IL1RAP: variants seen among roughly 807,000 people sequenced by gnomAD.
IL1RAP encodes interleukin 1 receptor accessory protein.
Under a neutral mutation model 60.7 loss-of-function variants are expected in IL1RAP, and 35 were observed. That is an observed-to-expected ratio of 0.58 (90% confidence interval 0.44 to 0.76). The LOEUF is 0.76. Among genes scored for constraint, IL1RAP ranks in the 30% least tolerant of loss-of-function variants. The pLI is 0.00. For synonymous variants in IL1RAP, 268 were observed against 250.9 expected, an observed-to-expected ratio of 1.07 and a Z score of -0.64; for missense variants, 572 against 693.9, an observed-to-expected ratio of 0.82 and a Z score of 1.97.
intron 3 of IL1RAP, among the ~76,000 whole-genome samples, chr3:190,574,301 T>C (rs1727253418): frequency 6.6e-6 from 1 of 152,158 alleles, no homozygotes; most frequent in Non-Finnish European, 1.5e-5. Context: ...ATTTAGATAA[T>C]ATACATCTTT....
At chr3:190,551,298 CA>C (rs1478460186) in intron 1 of IL1RAP, among the ~76,000 whole-genome samples, 2 of 152,176 alleles carry the variant, frequency 1.3e-5, no homozygotes, top group Non-Finnish European at 2.9e-5. Context: ...CTTGGTAAAA[CA>C]AACAGTTTCT....
intron 1 of IL1RAP, among the ~76,000 whole-genome samples, chr3:190,532,478 G>A (rs916023225): frequency 6.6e-6 from 1 of 152,058 alleles, no homozygotes; most frequent in Non-Finnish European, 1.5e-5. Flanking sequence ...TAGCCAGGAT[G>A]TTCTCGATCT....
At chr3:190,585,792 A>T (rs1327740171) in intron 3 of IL1RAP, among the ~76,000 whole-genome samples, 1 of 152,094 alleles carries the variant, frequency 6.6e-6, no homozygotes, top group East Asian at 1.9e-4. Flanking sequence ...AGCCTGGGTG[A>T]CAGAGTGAGA....
intron 3 of IL1RAP, among the ~76,000 whole-genome samples, chr3:190,591,746 T>C (rs1728957467): frequency 6.6e-6 from 1 of 152,182 alleles, no homozygotes; most frequent in Non-Finnish European, 1.5e-5. Flanking sequence ...TTGATTATTA[T>C]ATTAAAATAA....
intron 1 of IL1RAP, among the ~76,000 whole-genome samples, chr3:190,554,181 T>A (rs1725186656): frequency 6.6e-6 from 1 of 151,636 alleles, no homozygotes; most frequent in South Asian, 2.1e-4. Context: ...TAGGACTTTC[T>A]CCTTAGGATT....
chr3:190,641,192 C>T (rs1425064103), intron 9 of IL1RAP, among the ~76,000 whole-genome samples: 1 of 152,136 alleles, frequency 6.6e-6, no homozygotes, highest in African/African-American at 2.4e-5. Flanking sequence ...CTCAAACTCC[C>T]GACCTCAGGT....
At chr3:190,572,855 C>CTTTTTT (rs1337681913) in intron 3 of IL1RAP, among the ~76,000 whole-genome samples, 14 of 57,632 alleles carry the variant, frequency 2.4e-4, no homozygotes, top group South Asian at 8.9e-4. Flanking sequence ...AGGGTTAATG[C>CTTTTTT]TTTGTTTTTT....
intron 9 of IL1RAP, among the ~76,000 whole-genome samples, chr3:190,642,965 G>C (rs1460702988): frequency 6.6e-6 from 1 of 152,074 alleles, no homozygotes; most frequent in Non-Finnish European, 1.5e-5. Context: ...ATAAAATTGT[G>C]AAACATAATT....
At chr3:190,631,805 ATT>A (rs1330241991) in intron 9 of IL1RAP, among the ~76,000 whole-genome samples, 1 of 151,908 alleles carries the variant, frequency 6.6e-6, no homozygotes, top group Non-Finnish European at 1.5e-5. Flanking sequence ...ATTTTTATTT[ATT>A]TTTTATTTTT....
At chr3:190,593,942 T>C (rs907248171) in intron 3 of IL1RAP, among the ~76,000 whole-genome samples, 6 of 152,188 alleles carry the variant, frequency 3.9e-5, no homozygotes, top group African/African-American at 1.2e-4. Context: ...TAATTTGTCA[T>C]TGAGGAACAA....
intron 4 of IL1RAP, among the ~76,000 whole-genome samples, 181 bp downstream of exon 4, chr3:190,604,594 G>C (rs985373293): frequency 6.6e-6 from 1 of 152,086 alleles, no homozygotes; most frequent in Non-Finnish European, 1.5e-5. Flanking sequence ...ATTGGTTGTG[G>C]CCCTTAGAAT....
rs547580617 is a variant in IL1RAP, at chr3:190,537,668, A to ATTC, written c.-88-18461_-88-18460insTCT. ...GAAGACTAATAATGAGCATTTAGTA[A>ATTC]TACATATCAAAATGTAGAATATGAA... On this transcript the variant is annotated intron_variant, in intron 1 of 11. Coordinates refer to ENST00000447382, the MANE Select transcript of IL1RAP (RefSeq NM_002182.4). Among the ~76,000 whole-genome samples, 396 of 152,310 alleles carry ATTC rather than the reference A, an allele frequency of 2.6e-3. 1 individual carries two copies. Among genetic ancestry groups the ATTC allele is most frequent in the Non-Finnish European group, 4.2e-3 (289 of 68,016 alleles).
At chr3:190,643,669 C>T (rs550347665) in intron 9 of IL1RAP, among the ~76,000 whole-genome samples, 2 of 152,162 alleles carry the variant, frequency 1.3e-5, no homozygotes, top group Non-Finnish European at 2.9e-5. Flanking sequence ...TGGTGGATGT[C>T]CTTTGCTTTT....
intron 1 of IL1RAP, among the ~76,000 whole-genome samples, chr3:190,553,204 G>T (rs1044937210): frequency 6.6e-6 from 1 of 152,176 alleles, no homozygotes; most frequent in African/African-American, 2.4e-5. Context: ...CCGCAAGGAA[G>T]TATTTTACAG....
rs114943371 is a variant in IL1RAP at position 190,606,013 on chromosome 3, T to C, written c.350+1600T>C. 2.1e-3 allele frequency among the ~76,000 whole-genome samples: 321 copies of C among 152,220 alleles called. 2 individuals carry two copies. Among genetic ancestry groups the C allele is most frequent in the African/African-American group, 6.5e-3 (268 of 41,528 alleles). On this transcript the variant is annotated intron_variant, in intron 4 of 11. Coordinates refer to ENST00000447382, the MANE Select transcript of IL1RAP (RefSeq NM_002182.4). Reference sequence around the variant, plus strand: ...ACTATGCTTTGGTAAATGTAAGCTATGTTATGATTATGTGAAAAAAGATCT... The same window carrying C: ...ACTATGCTTTGGTAAATGTAAGCTACGTTATGATTATGTGAAAAAAGATCT...
intron 10 of IL1RAP, among the ~76,000 whole-genome samples, chr3:190,645,134 A>G (rs1269812131): frequency 6.6e-6 from 1 of 152,246 alleles, no homozygotes; most frequent in East Asian, 1.9e-4. Context: ...TTAAACATAC[A>G]AATTCATAGG....
intron 1 of IL1RAP, among the ~76,000 whole-genome samples, chr3:190,533,003 G>A (rs1723120762): frequency 6.6e-6 from 1 of 152,122 alleles, no homozygotes; most frequent in Non-Finnish European, 1.5e-5. Context: ...GGTTGGAGAG[G>A]GGAGTAAGGG....
intron 5 of IL1RAP, chr3:190,615,160 A>T (rs1356692079): frequency 3.1e-6 from 1 of 323,802 alleles, no homozygotes; most frequent in African/African-American, 2.1e-5. Flanking sequence ...AGTTAAACTG[A>T]TGTTCAGCAA....
intron 4 of IL1RAP, among the ~76,000 whole-genome samples, chr3:190,607,711 T>G (rs9819677): frequency 0.17 from 25,457 of 152,210 alleles, 2,924 homozygotes; most frequent in African/African-American, 0.32. Flanking sequence ...CCAGTCATCC[T>G]AAGGAATTGT....
Sources: gnomAD v4.1 joint callset for allele counts (sites outside exome capture counted in the v4.1 genomes callset) on GRCh38, gnomAD v4.1.1 for gene constraint, MANE v1.5 for transcripts, NCBI Gene and HGNC (gene_info 2026-07-23, HGNC 2026-07-21) for gene names.